Variants in GTPBP3 observed in about 807,000 individuals in gnomAD.
GTPBP3 encodes 5-taurinomethyluridine-[tRNA] synthase subunit GTPB3, mitochondrial.
In GTPBP3, 35 loss-of-function variants were observed where a neutral mutation model predicts 42.0. The observed-to-expected ratio is 0.83, with a 90% CI of 0.64 to 1.10. GTPBP3 has a LOEUF of 1.10. Ranked by LOEUF, GTPBP3 falls within the 50% of genes least tolerant of loss-of-function variation. GTPBP3 has a pLI of 0.00. For missense variants in GTPBP3, 691 were observed against 685.2 expected, an observed-to-expected ratio of 1.01 and a Z score of -0.09; for synonymous variants, 332 against 314.9, an observed-to-expected ratio of 1.05 and a Z score of -0.58.
At chr19:17,337,985 A>G (rs1164729050) in intron 1 of GTPBP3, 23 bp from the exon 2 acceptor site, 2 of 1,593,918 alleles carry the variant, frequency 1.3e-6, no homozygotes, top group Non-Finnish European at 1.7e-6. Flanking sequence ...AGGTGCGCTG[A>G]TTCGCCTCCC....
At chr19:17,341,397 C>A in intron 8 of GTPBP3, 75 bp downstream of exon 8, 1 of 1,556,714 alleles carries the variant, frequency 6.4e-7, no homozygotes, top group Non-Finnish European at 8.7e-7. Context: ...ATTTCTGAAC[C>A]TACAAAATGG....
intron 2 of GTPBP3, 31 bp from the exon 3 acceptor site, chr19:17,338,334 C>A (rs1178866477): frequency 6.2e-7 from 1 of 1,612,466 alleles, no homozygotes; most frequent in Non-Finnish European, 8.5e-7. Flanking sequence ...ACTGGCTGTG[C>A]TGTCCTCCTG....
chr19:17,338,164 C>G lies in GTPBP3; in HGVS notation c.210C>G (p.Asp70Glu). 1 of 1,594,164 alleles carries G rather than the reference C, an allele frequency of 6.3e-7. No homozygotes were observed. Among genetic ancestry groups the G allele is most frequent in the South Asian group, 1.1e-5 (1 of 90,390 alleles). The change falls in exon 2 of 9, where the codon GAC (aspartate) becomes GAG (glutamate). Residue 70 changes from aspartate (D) to glutamate (E), a missense_variant. Coordinates refer to ENST00000324894, the MANE Select transcript of GTPBP3 (RefSeq NM_032620.4). ...HALRILTAPR[D>E]LPLARHASLR... Reference sequence around the variant, plus strand: ...TCCGAATTCTCACAGCACCCCGAGACCTGCCCCTTGCTCGCCACGCCAGCC... The same window carrying G: ...TCCGAATTCTCACAGCACCCCGAGAGCTGCCCCTTGCTCGCCACGCCAGCC...
At chr19:17,335,256 C>A, upstream of GTPBP3, 1 of 1,306,492 alleles carries the variant, frequency 7.7e-7, no homozygotes, top group Non-Finnish European at 1.0e-6. Context: ...TTGCACGCAC[C>A]ATTTGGCTGC....
At chr19:17,340,219 A>T (rs562516752) in intron 7 of GTPBP3, among the ~76,000 whole-genome samples, 28 of 150,760 alleles carry the variant, frequency 1.9e-4, no homozygotes, top group African/African-American at 5.9e-4. Flanking sequence ...TATTTTTAGT[A>T]GAGATGGGGG....
Position 17,338,451 on chromosome 19 carries a change from G to A in GTPBP3, c.388G>A (p.Gly130Ser), listed in dbSNP as rs2074390460. ...AVVSGVLQAL[G>S]SVPGLRPAEA... ...GGTGAGCGGCGTCCTGCAGGCCTTG[G>A]GTGAGTTGCAGCGTTGGGTGAGATG... Residue 130 changes from glycine (G) to serine (S), a missense_variant and splice_region_variant, in exon 3 of 9, where the codon GGC becomes AGC. Physicochemically the swap from Gly to Ser is moderately conservative, Grantham distance 56 (BLOSUM62 0). Coordinates refer to ENST00000324894, the MANE Select transcript of GTPBP3 (RefSeq NM_032620.4). 6.2e-7 allele frequency: 1 copy of A among 1,613,904 alleles called. No homozygotes were observed. Among genetic ancestry groups the A allele is most frequent in the Non-Finnish European group, 8.5e-7 (1 of 1,179,986 alleles).
chr19:17,342,033 C>T lies in GTPBP3; in HGVS notation c.*330C>T, dbSNP rs2074437573. ...GGAATGTAAAAAAAACTCAGGTGAT[C>T]TAGAAGTGTTTATTTTCTTCCCTTC... On this transcript the variant is annotated 3_prime_UTR_variant, in exon 9 of 9. Transcript: ENST00000324894. 1 of 248,600 alleles carries T rather than the reference C, an allele frequency of 4.0e-6. No homozygotes were observed. Among genetic ancestry groups the T allele is most frequent in the Admixed American group, 5.5e-5 (1 of 18,318 alleles). The allele number at this position is 248,600 out of a possible 1,614,324, so 15.4% of individuals were successfully genotyped here.
chr19:17,338,357 C>T lies in GTPBP3; in HGVS notation c.302-8C>T. 1.2e-6 allele frequency: 2 copies of T among 1,613,828 alleles called. No homozygotes were observed. Among genetic ancestry groups the T allele is most frequent in the Non-Finnish European group, 1.7e-6 (2 of 1,179,848 alleles). On this transcript the variant is annotated splice_region_variant and splice_polypyrimidine_tract_variant and intron_variant, in intron 2 of 8. Transcript: ENST00000324894. ...TGCTGTCCTCCTGTCACCTGTCTGTCACATTAGGTCCCCAGAGTTTCACCG... is the reference window on the plus strand; with the variant it reads ...TGCTGTCCTCCTGTCACCTGTCTGTTACATTAGGTCCCCAGAGTTTCACCG...
Position 17,341,095 on chromosome 19 carries a change from C to A in GTPBP3, c.1026C>A (p.Ala342=), listed in dbSNP as rs759009222. The A allele has an allele frequency of 3.7e-6, 6 of 1,613,946 alleles. No homozygotes were observed. In the South Asian group the frequency reaches 6.6e-5, roughly 18 times the overall value. The change falls in exon 8 of 9, where the codon GCC becomes GCA. Residue 342 remains alanine, a synonymous_variant. Transcript: ENST00000324894. ...CCATGCTGGATGCTTCTGACCTGGC[C>A]TCTCCCTCCAGTTGCAACTTCCTGG... ...ILAMLDASDL[A]SPSSCNFLAT... is the part of the protein sequence containing the mutation.
chr19:17,338,233 C>G lies in GTPBP3; in HGVS notation c.279C>G (p.Arg93=). Residue 93 remains arginine (R), a synonymous_variant, in exon 2 of 9, where the codon CGC becomes CGG. Transcript: ENST00000324894. ...SDPRSGEPLD[R]ALVLWFPGPQ... ...CCCGCTCCGGGGAGCCTCTGGACCG[C>G]GCACTGGTGCTCTGGTTCCCAGGTG... 6.3e-7 allele frequency: 1 copy of G among 1,585,084 alleles called. No individual in the cohort carries two copies. The highest frequency in any genetic ancestry group is 8.5e-7 in the Non-Finnish European group (1 of 1,170,808).
Position 17,341,613 on chromosome 19 carries a change from G to T in GTPBP3, c.1389G>T (p.Val463=), listed in dbSNP as rs1167934453. Residue 463 remains valine, a synonymous_variant, in exon 9 of 9, where the codon GTG becomes GTT. Transcript: ENST00000324894. ...CCCTGGCGGCAGAGGCGCTGCGGGT[G>T]GCCCGGGGTCACCTGACCCGGCTCA... The part of the protein sequence containing the change: ...DLALAAEALR[V]ARGHLTRLTG... 2 of 1,613,700 alleles carry T rather than the reference G, an allele frequency of 1.2e-6. No homozygotes were observed. The highest frequency in any genetic ancestry group is 1.7e-5 in the Admixed American group (1 of 60,000).
At chr19:17,336,691 C>T (rs1263928963), upstream of GTPBP3, 3 of 152,252 alleles carry the variant, frequency 2.0e-5, no homozygotes, top group Non-Finnish European at 2.9e-5. Context: ...CAGCCAGTGC[C>T]TGGAATTCCA....
chr19:17,336,265 T>C (rs1176450552), upstream of GTPBP3, among the ~76,000 whole-genome samples: 1 of 108,844 alleles, frequency 9.2e-6, no homozygotes, highest in African/African-American at 3.6e-5. Context: ...AAAAAAAGCT[T>C]GGGCAACGTA....
rs1003227343 is a variant in GTPBP3 at position 17,339,429 on chromosome 19, C to A, written c.809-5C>A. 2 of 1,613,156 alleles carry A rather than the reference C, an allele frequency of 1.2e-6. No homozygotes were observed. The highest frequency in any genetic ancestry group is 1.7e-6 in the Non-Finnish European group (2 of 1,179,640). ...CCCTCTCCTCTTCTTCTGACCCTCC[C>A]CCAGGTCGGAAGCCTGTGTCCATCG... On this transcript the variant is annotated splice_polypyrimidine_tract_variant and splice_region_variant and intron_variant, in intron 6 of 8. Coordinates refer to ENST00000324894, the MANE Select transcript of GTPBP3 (RefSeq NM_032620.4).
At position 17,338,090 on chromosome 19, in the gene GTPBP3, T is replaced by G. The variant is rs577981067; in HGVS notation, c.136T>G (p.Cys46Gly). 68 of 1,597,330 alleles carry G rather than the reference T, an allele frequency of 4.3e-5. No homozygotes were observed. The East Asian group carries it at 1.5e-3, about 35-fold the overall frequency. Reference protein sequence around the residue: ...IFALSSGQGRCGIAVIRTSGP... With the variant: ...IFALSSGQGRGGIAVIRTSGP... Reference sequence around the variant, plus strand: ...CGCGCTAAGCTCTGGCCAAGGCCGCTGCGGCATCGCAGTGATCCGGACCAG... The same window carrying G: ...CGCGCTAAGCTCTGGCCAAGGCCGCGGCGGCATCGCAGTGATCCGGACCAG... Residue 46 changes from cysteine to glycine, a missense_variant, in exon 2 of 9, where the codon TGC (cysteine) becomes GGC (glycine). Physicochemically the swap from Cys to Gly is radical, Grantham distance 159. Coordinates refer to ENST00000324894, the MANE Select transcript of GTPBP3 (RefSeq NM_032620.4).
rs1178668977 is a variant in GTPBP3 at position 17,339,021 on chromosome 19, A to G, written c.659A>G (p.Glu220Gly). 28 of 1,613,974 alleles carry G rather than the reference A, an allele frequency of 1.7e-5. No individual in the cohort carries two copies. The highest frequency in any genetic ancestry group is 2.3e-5 in the Non-Finnish European group (27 of 1,179,982). ...EDDNLEEGVL[E>G]QADIEVRALQ... The stretch of plus-strand genomic sequence containing the variant: ...GACAACCTGGAGGAGGGGGTCCTGG[A>G]GCAAGGTGGGTCTACCTGGTGGTGG... Residue 220 changes from glutamate to glycine, a missense_variant, in exon 5 of 9, where the codon GAG becomes GGG. Glu to Gly is a moderately conservative substitution (Grantham distance 98). Coordinates refer to ENST00000324894, the MANE Select transcript of GTPBP3 (RefSeq NM_032620.4).
At position 17,338,962 on chromosome 19, in the gene GTPBP3, C is replaced by T. The variant is rs768823118; in HGVS notation, c.600C>T (p.Ala200=). 2 of 1,600,852 alleles carry T rather than the reference C, an allele frequency of 1.2e-6. No homozygotes were observed. Among genetic ancestry groups the T allele is most frequent in the Admixed American group, 1.7e-5 (1 of 59,460 alleles). Reference sequence around the variant, plus strand: ...TCTCCCTGCCCCGCCAGGCTCTGGCCCACGTGGAGGCCTATATCGATTTCG... The same window carrying T: ...TCTCCCTGCCCCGCCAGGCTCTGGCTCACGTGGAGGCCTATATCGATTTCG... ...GWAETLTKAL[A]HVEAYIDFGE... Residue 200 remains alanine (A), a synonymous_variant, in exon 5 of 9, where the codon GCC becomes GCT. Transcript: ENST00000324894.
chr19:17,340,085 T>A (rs899753320), intron 7 of GTPBP3, among the ~76,000 whole-genome samples: 1 of 151,088 alleles, frequency 6.6e-6, no homozygotes, highest in African/African-American at 2.4e-5. Context: ...CAGGCTGGAG[T>A]GTGCAGTGGT....
intron 2 of GTPBP3, 40 bp from the exon 3 acceptor site, chr19:17,338,325 C>T: frequency 1.2e-6 from 2 of 1,611,520 alleles, no homozygotes; most frequent in Non-Finnish European, 1.7e-6. Context: ...AGGGTTTGCA[C>T]TGGCTGTGCT....
Sources: gnomAD v4.1 joint callset for allele counts (sites outside exome capture counted in the v4.1 genomes callset) on GRCh38, gnomAD v4.1.1 for gene constraint, MANE v1.5 for transcripts, NCBI Gene and HGNC (gene_info 2026-07-23, HGNC 2026-07-21) for gene names.